PRKAG2: variants seen among roughly 807,000 people sequenced by gnomAD.
The protein encoded by PRKAG2 is 5'-AMP-activated protein kinase subunit gamma-2.
Under a neutral mutation model 69.6 loss-of-function variants are expected in PRKAG2, and 26 were observed. The observed-to-expected ratio is 0.37, with a 90% CI of 0.27 to 0.52. The LOEUF (loss-of-function observed/expected upper bound fraction) is 0.52, where lower values mean the gene tolerates loss of function less well. Among genes scored for constraint, PRKAG2 ranks in the 20% least tolerant of loss-of-function variants. PRKAG2 has a pLI of 0.90. For synonymous variants in PRKAG2, 293 were observed against 285.0 expected (o/e 1.03, Z -0.28); for missense variants, 557 against 740.0 (o/e 0.75, Z 2.87).
Position 151,614,551 on chromosome 7 carries a change from G to A in PRKAG2, c.754+17518C>T, listed in dbSNP as rs1819628905. 6.6e-6 allele frequency among the ~76,000 whole-genome samples: 1 copy of A among 152,100 alleles called. No individual in the cohort carries two copies. Among genetic ancestry groups the A allele is most frequent in the African/African-American group, 2.4e-5 (1 of 41,430 alleles). ...GTGACTCTCCGTCCCATCCCTGCGT[G>A]CTCTCCTTCACCTCCGCCCCTCACC... is the stretch of plus-strand genomic sequence containing the variant. On this transcript the variant is annotated intron_variant, in intron 5 of 15. Coordinates refer to ENST00000287878, the MANE Select transcript of PRKAG2 (RefSeq NM_016203.4). This position sits in a 1 kb window ranked among gnomAD's most constrained non-coding sequence, Gnocchi z 4.4.
intron 5 of PRKAG2, among the ~76,000 whole-genome samples, chr7:151,624,181 T>TATATA (rs58731772): frequency 4.0e-5 from 6 of 148,572 alleles, no homozygotes; most frequent in Non-Finnish European, 8.9e-5. Flanking sequence ...TATATATATA[T>TATATA]TTTTTTTTTC....
chr7:151,578,885 G>A (rs1307552837), intron 6 of PRKAG2, among the ~76,000 whole-genome samples: 1 of 152,210 alleles, frequency 6.6e-6, no homozygotes, highest in Non-Finnish European at 1.5e-5. Flanking sequence ...ATATATTATA[G>A]AAGAATATAG....
chr7:151,689,846 C>T (rs745506983), intron 3 of PRKAG2, among the ~76,000 whole-genome samples: 21 of 152,176 alleles, frequency 1.4e-4, no homozygotes, highest in Non-Finnish European at 2.9e-4. Context: ...GCCTCTGCCC[C>T]AGAGCTCGTT....
At chr7:151,692,415 A>C (rs6970666) in intron 3 of PRKAG2, among the ~76,000 whole-genome samples, 33,626 of 151,968 alleles carry the variant, frequency 0.22, 4,278 homozygotes, top group African/African-American at 0.35. Context: ...TAGCGGACAG[A>C]AAAAAAAGTC....
intron 5 of PRKAG2, among the ~76,000 whole-genome samples, chr7:151,617,289 A>AGG (rs1260718098): frequency 9.8e-4 from 16 of 16,330 alleles, no homozygotes; most frequent in African/African-American, 1.6e-3. Flanking sequence ...GGAAAGAGGG[A>AGG]GGGGGGGAGG....
intron 1 of PRKAG2, among the ~76,000 whole-genome samples, chr7:151,800,424 G>A (rs982388495): frequency 4.0e-5 from 6 of 151,424 alleles, no homozygotes; most frequent in African/African-American, 1.5e-4. Flanking sequence ...TGAGACAGGA[G>A]GTGTCTAGAC....
Position 151,646,754 on chromosome 7 carries a change from CTA to C in PRKAG2, c.685-14618_685-14617del, listed in dbSNP as rs1827631101. Among the ~76,000 whole-genome samples the C allele has an allele frequency of 2.0e-5, 3 of 152,194 alleles. No individual in the cohort carries two copies. In the South Asian group the frequency reaches 6.2e-4, roughly 31 times the overall value. On this transcript the variant is annotated intron_variant, in intron 4 of 15. Transcript: ENST00000287878. ...TTGGCTCATACATATAAAATATGTA[CTA>C]TATGTTACACATATATGTAATATTA...
intron 1 of PRKAG2, among the ~76,000 whole-genome samples, chr7:151,876,225 G>A (rs960029819): frequency 7.2e-5 from 11 of 151,960 alleles, no homozygotes; most frequent in Admixed American, 2.0e-4. Context: ...GCTACGCCCA[G>A]CCGCCCACCC....
intron 1 of PRKAG2, among the ~76,000 whole-genome samples, chr7:151,871,248 A>C (rs1268664811): frequency 6.6e-6 from 1 of 152,230 alleles, no homozygotes; most frequent in African/African-American, 2.4e-5. Context: ...TCTCGGCAGA[A>C]CACCACGCAC....
intron 5 of PRKAG2, among the ~76,000 whole-genome samples, chr7:151,612,106 C>T (rs1198338564): frequency 2.0e-5 from 3 of 152,144 alleles, no homozygotes; most frequent in African/African-American, 7.2e-5. Context: ...ACAGCGACAC[C>T]AGCATCACTA....
chr7:151,811,819 G>C (rs1226056097), intron 1 of PRKAG2, among the ~76,000 whole-genome samples: 2 of 152,198 alleles, frequency 1.3e-5, no homozygotes, highest in Admixed American at 6.5e-5. Context: ...GCTAAAGGTA[G>C]GTTTTCACTA....
rs1457592880 is a variant in PRKAG2 at position 151,713,854 on chromosome 7, G to A, written c.467-38217C>T. On this transcript the variant is annotated intron_variant, in intron 3 of 15. Transcript: ENST00000287878. ...GCCTCCCAAAGTGCCAGGATTACAG[G>A]CATGAGCCACTGCACCTGACCCCCA... Among the ~76,000 whole-genome samples the A allele has an allele frequency of 2.6e-5, 4 of 152,210 alleles. No homozygotes were observed. The East Asian group carries it at 5.8e-4, about 22-fold the overall frequency.
At position 151,632,167 on chromosome 7, in the gene PRKAG2, G is replaced by T; in HGVS notation, c.685-29C>A. 1 of 1,326,804 alleles carries T rather than the reference G, an allele frequency of 7.5e-7. No individual in the cohort carries two copies. Among genetic ancestry groups the T allele is most frequent in the South Asian group, 1.8e-5 (1 of 55,280 alleles). 82.2% of individuals were successfully genotyped at this position (1,326,804 alleles called of 1,614,324 possible). ...AGGGGGAGGAGGAGGACAGCGATCA[G>T]CATGAGCTGCGACGCTCGTCCCCGG... On this transcript the variant is annotated intron_variant, in intron 4 of 15. Transcript: ENST00000287878. This position sits in a 1 kb window ranked among gnomAD's most constrained non-coding sequence, Gnocchi z 4.2.
At chr7:151,673,303 C>G in intron 4 of PRKAG2, among the ~76,000 whole-genome samples, 1 of 152,262 alleles carries the variant, frequency 6.6e-6, no homozygotes, top group East Asian at 1.9e-4. Flanking sequence ...GCCTAATTTT[C>G]TTTTCTAGAA....
In PRKAG2 at chr7:151,788,335, T is replaced by A. The variant is rs2077114296; in HGVS notation, c.115-1794A>T. On this transcript the variant is annotated intron_variant, in intron 1 of 15. Transcript: ENST00000287878. This position sits in a 1 kb window ranked among gnomAD's most constrained non-coding sequence, Gnocchi z 4.6. ...GCTGGTATCTCATTGTGGTTTTGAT[T>A]TGCATTTCTTGGATAATTAGTGATG... 6.6e-6 allele frequency among the ~76,000 whole-genome samples: 1 copy of A among 152,246 alleles called. No homozygotes were observed. Among genetic ancestry groups the A allele is most frequent in the South Asian group, 2.1e-4 (1 of 4,832 alleles).
intron 6 of PRKAG2, among the ~76,000 whole-genome samples, chr7:151,581,584 A>C (rs1810481810): frequency 6.8e-6 from 1 of 146,666 alleles, no homozygotes; most frequent in South Asian, 2.2e-4. Flanking sequence ...ATAGTGTAAT[A>C]ATTTAAAAAA....
chr7:151,690,621 C>A (rs1430962507), intron 3 of PRKAG2, among the ~76,000 whole-genome samples: 1 of 152,188 alleles, frequency 6.6e-6, no homozygotes, highest in African/African-American at 2.4e-5. Context: ...ATGCAATTTT[C>A]TCTTTAGTGC....
intron 4 of PRKAG2, among the ~76,000 whole-genome samples, chr7:151,650,968 T>C (rs1462990847): frequency 6.6e-6 from 1 of 152,190 alleles, no homozygotes; most frequent in Non-Finnish European, 1.5e-5. Context: ...TTGTAGTTAT[T>C]TGGACCTGGG....
At chr7:151,577,478 A>C (rs988975581) in intron 6 of PRKAG2, among the ~76,000 whole-genome samples, 3 of 152,230 alleles carry the variant, frequency 2.0e-5, no homozygotes, top group Non-Finnish European at 4.4e-5. Context: ...TCATTTGTAG[A>C]TGCTAAATAA....
Sources: gnomAD v4.1 joint callset for allele counts (sites outside exome capture counted in the v4.1 genomes callset) on GRCh38, gnomAD v4.1.1 for gene constraint, Gnocchi (gnomAD v3.1) non-coding constraint, MANE v1.5 for transcripts, NCBI Gene and HGNC (gene_info 2026-07-23, HGNC 2026-07-21) for gene names.